Variants in GALNT1 observed in about 807,000 individuals in gnomAD.
GALNT1 encodes polypeptide N-acetylgalactosaminyltransferase 1.
GALNT1 carries 17 observed loss-of-function variants against 65.7 expected under a neutral mutation model. That is an observed-to-expected ratio of 0.26 (90% CI 0.18 to 0.39). The LOEUF is 0.39. GALNT1 is among the 10% of genes least tolerant of loss of function. The probability of loss-of-function intolerance (pLI) is 1.00; values close to 1 mark genes in which losing one functional copy is unlikely to be tolerated. For synonymous variants in GALNT1, 210 were observed against 219.7 expected, an observed-to-expected ratio of 0.96 and a Z score of 0.39; for missense variants, 460 against 672.8, an observed-to-expected ratio of 0.68 and a Z score of 3.50.
chr18:35,613,466 G>T (rs1338966011), intron 1 of GALNT1, among the ~76,000 whole-genome samples: 4 of 152,166 alleles, frequency 2.6e-5, no homozygotes, highest in Non-Finnish European at 5.9e-5. Context: ...AAACTTTCCA[G>T]AGGCCCAGAA....
Position 35,667,210 on chromosome 18 carries a change from C to T in GALNT1, c.314+3408C>T, listed in dbSNP as rs149250888. 2.9e-3 allele frequency among the ~76,000 whole-genome samples: 445 copies of T among 152,212 alleles called. 10 individuals are homozygous for T. Among genetic ancestry groups the T allele is most frequent in the Admixed American group, 0.025 (388 of 15,290 alleles). On this transcript the variant is annotated intron_variant, in intron 3 of 11. Transcript: ENST00000269195. ...ATGGTGCAAGTAAAATGGAGTATCTCCTTCAATATTATGTTATCAAATATG... is the reference window on the plus strand; with the variant it reads ...ATGGTGCAAGTAAAATGGAGTATCTTCTTCAATATTATGTTATCAAATATG...
chr18:35,688,456 T>C (rs1330704254), intron 6 of GALNT1, among the ~76,000 whole-genome samples: 1 of 152,204 alleles, frequency 6.6e-6, no homozygotes, highest in Non-Finnish European at 1.5e-5. Context: ...TGGGCTGATA[T>C]TCATTTATTT....
intron 1 of GALNT1, among the ~76,000 whole-genome samples, chr18:35,585,093 C>T (rs1294384486): frequency 6.6e-6 from 1 of 152,176 alleles, no homozygotes; most frequent in Admixed American, 6.5e-5. Flanking sequence ...GGTGGGGGAA[C>T]TTCAGGTTGG....
chr18:35,682,721 T>C (rs559526439), intron 4 of GALNT1, among the ~76,000 whole-genome samples: 65 of 152,182 alleles, frequency 4.3e-4, no homozygotes, highest in Admixed American at 1.6e-3. Context: ...TAGCTATTGA[T>C]TTCATACACC....
At chr18:35,665,098 C>T (rs1303739659) in intron 3 of GALNT1, among the ~76,000 whole-genome samples, 1 of 152,170 alleles carries the variant, frequency 6.6e-6, no homozygotes, top group Non-Finnish European at 1.5e-5. Context: ...TCTTGGTCTT[C>T]CATTCTTAAT....
At chr18:35,633,127 A>G (rs1381407298) in intron 1 of GALNT1, among the ~76,000 whole-genome samples, 3 of 152,170 alleles carry the variant, frequency 2.0e-5, no homozygotes, top group Non-Finnish European at 4.4e-5. Context: ...ATTGTGGAAG[A>G]CAGTGTGGCA....
chr18:35,633,928 C>G (rs955276305), intron 1 of GALNT1, among the ~76,000 whole-genome samples: 3 of 152,146 alleles, frequency 2.0e-5, no homozygotes, highest in Non-Finnish European at 4.4e-5. Flanking sequence ...TTGAACTTAA[C>G]CCAGTAATCC....
intron 3 of GALNT1, among the ~76,000 whole-genome samples, chr18:35,673,416 T>TA (rs2047662823): frequency 6.6e-6 from 1 of 152,246 alleles, no homozygotes; most frequent in Non-Finnish European, 1.5e-5. Flanking sequence ...TACTAGCTGC[T>TA]ATCATGAGCA....
intron 1 of GALNT1, among the ~76,000 whole-genome samples, chr18:35,622,991 A>G (rs556709218): frequency 1.3e-5 from 2 of 152,254 alleles, no homozygotes; most frequent in South Asian, 4.1e-4. Flanking sequence ...CCACACCTCC[A>G]TTCTTTGTTC....
intron 1 of GALNT1, among the ~76,000 whole-genome samples, chr18:35,626,952 C>T (rs7240886): frequency 6.6e-6 from 1 of 152,184 alleles, no homozygotes; most frequent in African/African-American, 2.4e-5. Flanking sequence ...TTGGTCACTT[C>T]TATTAGCTAG....
chr18:35,643,349 A>G (rs1335019817), intron 1 of GALNT1, among the ~76,000 whole-genome samples: 2 of 152,148 alleles, frequency 1.3e-5, no homozygotes, highest in Admixed American at 6.5e-5. Context: ...ATAAAAATAC[A>G]GCATGATCAG....
At chr18:35,644,320 C>G (rs573928587) in intron 1 of GALNT1, among the ~76,000 whole-genome samples, 1 of 152,124 alleles carries the variant, frequency 6.6e-6, no homozygotes, top group Non-Finnish European at 1.5e-5. Flanking sequence ...CTTTGGCTAT[C>G]GAATAAGGCT....
chr18:35,588,366 C>T (rs2046401893), intron 1 of GALNT1, among the ~76,000 whole-genome samples: 1 of 152,050 alleles, frequency 6.6e-6, no homozygotes, highest in Admixed American at 6.6e-5. Context: ...AGGATTTTTT[C>T]TTCGTCTTTA....
intron 3 of GALNT1, among the ~76,000 whole-genome samples, chr18:35,665,957 A>G (rs147588365): frequency 1.1e-3 from 174 of 152,276 alleles, no homozygotes; most frequent in African/African-American, 4.1e-3. Flanking sequence ...GGTGAGAATG[A>G]CCAGAAGGTG....
chr18:35,622,602 A>G (rs1028523222), intron 1 of GALNT1, among the ~76,000 whole-genome samples: 2 of 152,182 alleles, frequency 1.3e-5, no homozygotes, highest in Non-Finnish European at 2.9e-5. Flanking sequence ...TGAATTTTGT[A>G]TGTTCATCTT....
chr18:35,704,797 C>T (rs2048228765), intron 11 of GALNT1, among the ~76,000 whole-genome samples: 1 of 151,796 alleles, frequency 6.6e-6, no homozygotes, highest in South Asian at 2.1e-4. Context: ...GTGCCCGCCA[C>T]CATGCCCGGC....
At chr18:35,634,472 CA>C (rs1368959897) in intron 1 of GALNT1, among the ~76,000 whole-genome samples, 1 of 152,160 alleles carries the variant, frequency 6.6e-6, no homozygotes, top group Non-Finnish European at 1.5e-5. Context: ...TTTATTACAG[CA>C]CAGGAAAAAG....
chr18:35,608,341 C>T (rs1158677360), intron 1 of GALNT1, among the ~76,000 whole-genome samples: 1 of 152,016 alleles, frequency 6.6e-6, no homozygotes, highest in Non-Finnish European at 1.5e-5. Context: ...TTTAAGATTT[C>T]TAAGAATTTT....
intron 2 of GALNT1, among the ~76,000 whole-genome samples, chr18:35,660,507 G>C (rs1490356423): frequency 6.6e-6 from 1 of 152,098 alleles, no homozygotes; most frequent in African/African-American, 2.4e-5. Context: ...AAAGTGATTT[G>C]ATTCTTAGAA....
Sources: allele counts gnomAD v4.1 joint callset (sites outside exome capture counted in the v4.1 genomes callset), GRCh38; gene constraint gnomAD v4.1.1; transcripts MANE v1.5; gene names NCBI Gene and HGNC (gene_info 2026-07-23, HGNC 2026-07-21).